Variants in LMNA observed in about 807,000 individuals in gnomAD.
LMNA encodes the protein lamin A/C.
In LMNA, 20 loss-of-function variants were observed where a neutral mutation model predicts 70.4. That is an observed-to-expected ratio of 0.28 (90% CI 0.20 to 0.41). The LOEUF is 0.41. Among genes scored for constraint, LMNA ranks in the 10% least tolerant of loss-of-function variants. The probability of loss-of-function intolerance (pLI) is 1.00; values close to 1 mark genes in which losing one functional copy is unlikely to be tolerated. For synonymous variants in LMNA, 339 were observed against 372.8 expected (o/e 0.91, Z 1.04); for missense variants, 652 against 917.2 (o/e 0.71, Z 3.73).
intron 1 of LMNA, among the ~76,000 whole-genome samples, chr1:156,121,566 C>A (rs889365491): frequency 6.6e-6 from 1 of 152,074 alleles, no homozygotes; most frequent in Non-Finnish European, 1.5e-5. Flanking sequence ...GGTCCACCCC[C>A]CAGTGATTCG....
intron 2 of LMNA, among the ~76,000 whole-genome samples, chr1:156,084,591 T>C (rs1648412523): frequency 6.6e-6 from 1 of 152,118 alleles, no homozygotes; most frequent in South Asian, 2.1e-4. Flanking sequence ...TCTTGTCCCC[T>C]CCGTCTGCCC....
In LMNA at chr1:156,130,793, C is replaced by T. The variant is rs1436863211; in HGVS notation, c.513+20C>T. On this transcript the variant is annotated intron_variant, in intron 2 of 11. Coordinates refer to ENST00000368300, the MANE Select transcript of LMNA (RefSeq NM_170707.4). ...GCCAAGGTGAGGCCACCCTGCAGGG[C>T]CCACCCATGGCCCCACCTAACACAT... 1.3e-6 allele frequency: 2 copies of T among 1,559,756 alleles called. No individual in the cohort carries two copies. Among genetic ancestry groups the T allele is most frequent in the East Asian group, 2.4e-5 (1 of 41,696 alleles).
chr1:156,101,214 G>A (rs1400152898), intron 3 of LMNA, among the ~76,000 whole-genome samples: 2 of 152,184 alleles, frequency 1.3e-5, no homozygotes, highest in South Asian at 4.1e-4. Context: ...TGGGCTGGGC[G>A]TGGCACCTCA....
chr1:156,135,390 T>TG lies in LMNA; in HGVS notation c.936+83dup. ...CAGGCTGGAAGCCCAGGGTTGGGGG[T>TG]GGGGGTGGGGGTGGGAGGTTCCTGA... On this transcript the variant is annotated intron_variant, in intron 5 of 11. Coordinates refer to ENST00000368300, the MANE Select transcript of LMNA (RefSeq NM_170707.4). This position sits in a 1 kb window ranked among gnomAD's most constrained non-coding sequence, Gnocchi z 4.8. 4.2e-6 allele frequency: 2 copies of TG among 480,242 alleles called. No homozygotes were observed. Among genetic ancestry groups the TG allele is most frequent in the Non-Finnish European group, 8.0e-6 (2 of 251,458 alleles). The allele number at this position is 480,242 out of a possible 1,614,324, so 29.7% of individuals were successfully genotyped here. A position where few individuals can be genotyped will look rare whatever the true frequency, so the allele number is the denominator to read the frequency against.
chr1:156,084,785 A>T (rs1648417478), intron 2 of LMNA, among the ~76,000 whole-genome samples: 1 of 152,168 alleles, frequency 6.6e-6, no homozygotes, highest in South Asian at 2.1e-4. Flanking sequence ...TCCTGTCCCC[A>T]CTGAAATGAG....
intron 1 of LMNA, among the ~76,000 whole-genome samples, chr1:156,120,914 A>G (rs1229588565): frequency 6.6e-6 from 1 of 151,974 alleles, no homozygotes; most frequent in African/African-American, 2.4e-5. Context: ...CCCGGATTGA[A>G]AGGAAGCTGT....
Position 156,089,280 on chromosome 1 carries a change from GTTTATTTA to G in LMNA, c.-318-1167_-318-1160del, listed in dbSNP as rs140712392. On this transcript the variant is annotated intron_variant, in intron 2 of 12. Transcript: ENST00000368301. ...GCATGTACCACCATACCCAACCCTTGTTTATTTATTTATTTATTTATTTATTTATTTTT... is the reference window on the plus strand; with the variant it reads ...GCATGTACCACCATACCCAACCCTTGTTTATTTATTTATTTATTTATTTTT... Among the ~76,000 whole-genome samples the G allele has an allele frequency of 3.3e-3, 493 of 151,074 alleles. 1 individual carries two copies. The highest frequency in any genetic ancestry group is 0.011 in the African/African-American group (466 of 40,826).
At chr1:156,124,949 C>G (rs1015622630) in intron 1 of LMNA, among the ~76,000 whole-genome samples, 1 of 152,244 alleles carries the variant, frequency 6.6e-6, no homozygotes, top group Non-Finnish European at 1.5e-5. Flanking sequence ...CTGTGTGTAT[C>G]GTGCCATTTT....
intron 3 of LMNA, among the ~76,000 whole-genome samples, chr1:156,095,317 C>G (rs979081516): frequency 1.1e-4 from 17 of 152,092 alleles, no homozygotes; most frequent in Non-Finnish European, 1.5e-5. Context: ...TCTCCAAAAC[C>G]TAGCATATAG....
intron 3 of LMNA, among the ~76,000 whole-genome samples, chr1:156,096,306 TACC>T (rs1648936746): frequency 2.0e-5 from 3 of 152,334 alleles, no homozygotes; most frequent in Admixed American, 6.5e-5. Flanking sequence ...CACTGTGTAT[TACC>T]TGTGAGCCCT....
Position 156,135,731 on chromosome 1 carries a change from CTA to C in LMNA, c.937-168_937-167del. 3.1e-6 allele frequency: 2 copies of C among 635,832 alleles called. No homozygotes were observed. Among genetic ancestry groups the C allele is most frequent in the South Asian group, 3.8e-5 (2 of 53,166 alleles). 39.4% of individuals were successfully genotyped at this position (635,832 alleles called of 1,614,324 possible). ...AGGACTTCCCAGTTGCCAGCCAAGACTATGTTTAGAGCTTGTGATGTTCAGAG... is the reference window on the plus strand; with the variant it reads ...AGGACTTCCCAGTTGCCAGCCAAGACTGTTTAGAGCTTGTGATGTTCAGAG... On this transcript the variant is annotated intron_variant, in intron 5 of 11. Coordinates refer to ENST00000368300, the MANE Select transcript of LMNA (RefSeq NM_170707.4). This position sits in a 1 kb window ranked among gnomAD's most constrained non-coding sequence, Gnocchi z 4.8.
intron 1 of LMNA, chr1:156,129,725 C>A (rs1650878929): frequency 7.7e-6 from 5 of 645,338 alleles, no homozygotes; most frequent in Non-Finnish European, 1.4e-5. Context: ...TTCTCCAGTC[C>A]ACTAGCAAAA....
chr1:156,126,694 G>A (rs1176391900), intron 1 of LMNA: 14 of 1,525,482 alleles, frequency 9.2e-6, no homozygotes, highest in Non-Finnish European at 1.2e-5. Context: ...TTTCCTCTCT[G>A]TTCCCCTCCC....
rs1480113348 is a variant in LMNA at position 156,114,728 on chromosome 1, C to A, written c.-191C>A. On this transcript the variant is annotated 5_prime_UTR_variant, in exon 1 of 12. Coordinates refer to ENST00000368300, the MANE Select transcript of LMNA (RefSeq NM_170707.4). Reference sequence around the variant, plus strand: ...GGTGACTCAGTGTTCGCGGGAGCGCCGCACCTACACCAGCCAACCCAGATC... The same window carrying A: ...GGTGACTCAGTGTTCGCGGGAGCGCAGCACCTACACCAGCCAACCCAGATC... 2 of 567,546 alleles carry A rather than the reference C, an allele frequency of 3.5e-6. No individual in the cohort carries two copies. Among genetic ancestry groups the A allele is most frequent in the African/African-American group, 2.0e-5 (1 of 50,038 alleles). The allele number at this position is 567,546 out of a possible 1,614,324, so 35.2% of individuals were successfully genotyped here. A position where few individuals can be genotyped will look rare whatever the true frequency, so the allele number is the denominator to read the frequency against.
chr1:156,096,878 G>A (rs1263078826), intron 3 of LMNA, among the ~76,000 whole-genome samples: 4 of 152,228 alleles, frequency 2.6e-5, no homozygotes, highest in African/African-American at 9.7e-5. Context: ...TCTCAGCTGG[G>A]GCAGGAGAGA....
upstream of LMNA, among the ~76,000 whole-genome samples, chr1:156,113,223 G>GAACCC (rs1649604228): frequency 6.6e-6 from 1 of 152,144 alleles, no homozygotes; most frequent in South Asian, 2.1e-4. Flanking sequence ...AGAATCTCTT[G>GAACCC]AACCCGGGAG....
In LMNA at chr1:156,139,731, C is replaced by A; in HGVS notation, c.*625C>A. 6.5e-7 allele frequency: 1 copy of A among 1,533,030 alleles called. No individual in the cohort carries two copies. Among genetic ancestry groups the A allele is most frequent in the South Asian group, 1.2e-5 (1 of 83,942 alleles). 95.0% of individuals were successfully genotyped at this position (1,533,030 alleles called of 1,614,324 possible). On this transcript the variant is annotated 3_prime_UTR_variant, in exon 12 of 12. Transcript: ENST00000368300. ...CAGCCCCGGGGTGAGTCCATTCTCC[C>A]AGGTACCAGCTGCGCTTGCTTTTCT... is the stretch of plus-strand genomic sequence containing the variant.
At chr1:156,095,272 C>T (rs907710207) in intron 3 of LMNA, among the ~76,000 whole-genome samples, 4 of 151,952 alleles carry the variant, frequency 2.6e-5, no homozygotes, top group South Asian at 2.1e-4. Flanking sequence ...TCATGTTACT[C>T]GGACTGATCG....
chr1:156,119,158 G>A lies in LMNA; in HGVS notation c.356+3884G>A, dbSNP rs571955079. 2.1e-5 allele frequency among the ~76,000 whole-genome samples: 3 copies of A among 140,254 alleles called. No homozygotes were observed. The East Asian group carries it at 6.2e-4, about 29-fold the overall frequency. 92.0% of individuals were successfully genotyped at this position (140,254 alleles called of 152,430 possible). A position where few individuals can be genotyped will look rare whatever the true frequency, so the allele number is the denominator to read the frequency against. On this transcript the variant is annotated intron_variant, in intron 1 of 11. Transcript: ENST00000368300. ...TTTTGAGACGGAGTCTTGTTCTGTT[G>A]CCAGGCTGGAGTGCAGTGGTGCGAT... is the stretch of plus-strand genomic sequence containing the variant.
Sources: allele counts gnomAD v4.1 joint callset (sites outside exome capture counted in the v4.1 genomes callset), GRCh38; gene constraint gnomAD v4.1.1; non-coding constraint Gnocchi (gnomAD v3.1); transcripts MANE v1.5; gene names NCBI Gene and HGNC (gene_info 2026-07-23, HGNC 2026-07-21).